The following GPSM1 variants were observed in gnomAD, a reference collection of about 807,000 sequenced individuals.
GPSM1 encodes the protein G protein signaling modulator 1.
Under a neutral mutation model 70.5 loss-of-function variants are expected in GPSM1, and 48 were observed. The observed-to-expected ratio is 0.68, with a 90% CI of 0.54 to 0.87. GPSM1 has a LOEUF of 0.87. Among genes scored for constraint, GPSM1 ranks in the 40% least tolerant of loss-of-function variants. GPSM1 has a pLI of 0.00. For missense variants in GPSM1, 981 were observed against 972.6 expected, an observed-to-expected ratio of 1.01 and a Z score of -0.11; for synonymous variants, 416 against 430.1, an observed-to-expected ratio of 0.97 and a Z score of 0.41.
Position 136,341,418 on chromosome 9 carries a change from G to A in GPSM1, c.1207+425G>A, listed in dbSNP as rs1345291309. On this transcript the variant is annotated intron_variant, in intron 9 of 13. Transcript: ENST00000440944. The surrounding 1 kb of genome is among the most constrained non-coding windows in gnomAD (Gnocchi z 6.7). ...GGCTGTGGGAGCCCTATGTGCCTGG[G>A]GCAGTAATCAGGCAAGGCCCAAGGC... is the stretch of plus-strand genomic sequence containing the variant. The A allele has an allele frequency of 7.1e-7, 1 of 1,416,272 alleles. No individual in the cohort carries two copies. Among genetic ancestry groups the A allele is most frequent in the South Asian group, 1.5e-5 (1 of 65,700 alleles). The allele number at this position is 1,416,272 out of a possible 1,614,324, so 87.7% of individuals were successfully genotyped here.
intron 11 of GPSM1, among the ~76,000 whole-genome samples, chr9:136,350,614 A>G (rs919078564): frequency 1.3e-5 from 2 of 152,052 alleles, no homozygotes; most frequent in Non-Finnish European, 2.9e-5. Context: ...TGGTGAGGGG[A>G]CAGCAAGGGG....
rs1008000985 is a variant in GPSM1, at chr9:136,356,618, G to A, written c.1821+68G>A. The stretch of plus-strand genomic sequence containing the variant: ...CCATCCACGTGTGTGGAGGCAACTT[G>A]TGTCCTGAGGGGTGAGGTGGGCGCT... On this transcript the variant is annotated intron_variant, in intron 13 of 13. Transcript: ENST00000440944. The A allele has an allele frequency of 3.1e-4, 364 of 1,189,282 alleles. 1 individual carries two copies. Among genetic ancestry groups the A allele is most frequent in the Middle Eastern group, 2.3e-4 (1 of 4,338 alleles). 73.7% of individuals were successfully genotyped at this position (1,189,282 alleles called of 1,614,324 possible).
chr9:136,355,660 T>A, intron 11 of GPSM1, 30 bp from the exon 12 acceptor site: 5 of 1,605,642 alleles, frequency 3.1e-6, no homozygotes, highest in Non-Finnish European at 4.3e-6. Context: ...GGGGCTAGCT[T>A]TGGCTGCGGT....
At chr9:136,336,618 G>A in intron 3 of GPSM1, among the ~76,000 whole-genome samples, 1 of 152,216 alleles carries the variant, frequency 6.6e-6, no homozygotes, top group Admixed American at 6.5e-5. Context: ...GGGGGCTTGA[G>A]GCCGCAGCAT....
intron 2 of GPSM1, among the ~76,000 whole-genome samples, chr9:136,335,571 C>T (rs1280904322): frequency 3.9e-5 from 6 of 152,198 alleles, no homozygotes; most frequent in African/African-American, 1.4e-4. Flanking sequence ...ATGCACCAAA[C>T]GTCCTCTGAA....
rs140085951 is a variant in GPSM1 at position 136,334,487 on chromosome 9, C to G, written c.109C>G (p.Arg37Gly). 2 of 1,612,836 alleles carry G rather than the reference C, an allele frequency of 1.2e-6. No homozygotes were observed. Among genetic ancestry groups the G allele is most frequent in the African/African-American group, 2.7e-5 (2 of 74,934 alleles). The change falls in exon 2 of 14, where the codon CGT becomes GGT. Residue 37 changes from arginine to glycine, a missense_variant. Coordinates refer to ENST00000440944, the MANE Select transcript of GPSM1 (RefSeq NM_001145638.3). ...CCTAGAGCTGGCGCTGGAGGGCGAG[C>G]GTCTGTGCAAGGCGGGCGACTTCAA... is the stretch of plus-strand genomic sequence containing the variant. ...SCLELALEGERLCKAGDFKTG... is the reference protein window; with the variant it reads ...SCLELALEGEGLCKAGDFKTG...
rs1554769345 is a variant in GPSM1 at position 136,336,979 on chromosome 9, A to G, written c.485A>G (p.Gln162Arg). Residue 162 changes from glutamine (Q) to arginine (R), a missense_variant, in exon 4 of 14, where the codon CAA becomes CGA. By Grantham distance (43) the Gln-to-Arg change is conservative. Coordinates refer to ENST00000440944, the MANE Select transcript of GPSM1 (RefSeq NM_001145638.3). ...IGNVYHAKGK[Q>R]LSWNAANATQ... ...AACGTGTACCACGCCAAAGGCAAGCAACTGTCCTGGAACGCCGCAAACGCC... is the reference window on the plus strand; with the variant it reads ...AACGTGTACCACGCCAAAGGCAAGCGACTGTCCTGGAACGCCGCAAACGCC... The G allele has an allele frequency of 1.3e-6, 2 of 1,556,256 alleles. No individual in the cohort carries two copies. The highest frequency in any genetic ancestry group is 1.4e-5 in the African/African-American group (1 of 73,350).
At chr9:136,354,930 G>A in intron 11 of GPSM1, 2 of 1,028,470 alleles carry the variant, frequency 1.9e-6, no homozygotes, top group Non-Finnish European at 2.3e-6. Flanking sequence ...CAAGGCTGGG[G>A]AGGCTGGCCC....
In GPSM1 at chr9:136,342,676, T is replaced by C. The variant is rs961041949; in HGVS notation, c.1207+1683T>C. 2.6e-5 allele frequency among the ~76,000 whole-genome samples: 4 copies of C among 151,872 alleles called. No homozygotes were observed. The highest frequency in any genetic ancestry group is 5.9e-5 in the Non-Finnish European group (4 of 67,924). ...TGAGGCCGGGAGTCTGGACCCGGCG[T>C]TGCGGGTTGGGGGCGCCACGGAAGG... is the stretch of plus-strand genomic sequence containing the variant. On this transcript the variant is annotated intron_variant, in intron 9 of 13. Coordinates refer to ENST00000440944, the MANE Select transcript of GPSM1 (RefSeq NM_001145638.3). The surrounding 1 kb of genome is among the most constrained non-coding windows in gnomAD (Gnocchi z 5.5).
In GPSM1 at chr9:136,341,771, T is replaced by A; in HGVS notation, c.1207+778T>A. 1 of 985,540 alleles carries A rather than the reference T, an allele frequency of 1.0e-6. No homozygotes were observed. Among genetic ancestry groups the A allele is most frequent in the East Asian group, 1.1e-4 (1 of 8,726 alleles). 61.0% of individuals were successfully genotyped at this position (985,540 alleles called of 1,614,324 possible). On this transcript the variant is annotated intron_variant, in intron 9 of 13. Coordinates refer to ENST00000440944, the MANE Select transcript of GPSM1 (RefSeq NM_001145638.3). This position sits in a 1 kb window ranked among gnomAD's most constrained non-coding sequence, Gnocchi z 6.7. ...CCAGGCTGGGAACACCAGGCTTGGA[T>A]GTGGTGCTGGGCTGCCGGAGTTTCT...
chr9:136,356,282 C>T, intron 12 of GPSM1, 60 bp from the exon 13 acceptor site: 4 of 1,297,448 alleles, frequency 3.1e-6, no homozygotes, highest in Non-Finnish European at 4.1e-6. Context: ...GTGGCCGCAG[C>T]CCGAGCCTCG....
intron 1 of GPSM1, among the ~76,000 whole-genome samples, 195 bp downstream of exon 1, chr9:136,327,958 C>T (rs1832015593): frequency 6.6e-6 from 1 of 151,938 alleles, no homozygotes; most frequent in Non-Finnish European, 1.5e-5. Flanking sequence ...CCCTCTTTCC[C>T]CCAAGCCAAG....
In GPSM1 at chr9:136,352,170, TGCTGCGCCGTTGCTGTTGGTG is replaced by T. The variant is rs1554772246; in HGVS notation, c.1455+2408_1455+2428del. Among the ~76,000 whole-genome samples the T allele has an allele frequency of 4.9e-4, 62 of 125,738 alleles. 24 individuals are homozygous for T. Among genetic ancestry groups the T allele is most frequent in the African/African-American group, 1.6e-3 (52 of 32,900 alleles). The allele number at this position is 125,738 out of a possible 152,430, so 82.5% of individuals were successfully genotyped here. ...GCGCCGTTGCTGTTGGTGACACCAA[TGCTGCGCCGTTGCTGTTGGTG>T]ACACCGATGCTGCGCCGTTGCTGTT... On this transcript the variant is annotated intron_variant, in intron 11 of 13. Transcript: ENST00000440944.
chr9:136,339,605 C>A, intron 7 of GPSM1, 102 bp from the exon 8 acceptor site: 1 of 801,402 alleles, frequency 1.2e-6, no homozygotes. Context: ...TGATGACCCT[C>A]GAAGCCAGGG....
At chr9:136,345,414 C>G (rs28721414) in intron 9 of GPSM1, among the ~76,000 whole-genome samples, 54,768 of 152,204 alleles carry the variant, frequency 0.36, 10,224 homozygotes, top group Non-Finnish European at 0.41. Context: ...TCAGCCGACT[C>G]TGCAGACAGA....
At chr9:136,337,668 C>G (rs1360388337) in intron 5 of GPSM1, 104 bp downstream of exon 5, 1 of 1,178,746 alleles carries the variant, frequency 8.5e-7, no homozygotes, top group African/African-American at 1.5e-5. Flanking sequence ...TATGGCCAGG[C>G]AGCAGGCCCG....
At chr9:136,356,578 C>A in intron 13 of GPSM1, 28 bp downstream of exon 13, 1 of 1,544,498 alleles carries the variant, frequency 6.5e-7, no homozygotes, top group Non-Finnish European at 8.9e-7. Flanking sequence ...GCGGGCGTGG[C>A]TCGCGGCCCC....
chr9:136,335,448 G>A (rs1359555008), intron 2 of GPSM1, among the ~76,000 whole-genome samples: 3 of 152,116 alleles, frequency 2.0e-5, no homozygotes, highest in Non-Finnish European at 4.4e-5. Context: ...CTCCCCCTCA[G>A]CCCTGCAGCT....
chr9:136,334,593 T>C lies in GPSM1; in HGVS notation c.215T>C (p.Leu72Pro). Reference sequence around the variant, plus strand: ...ACACTGAGTGCCATCTACAGCCAGCTGGGCAACGCCTACTTCTACCTGAAG... The same window carrying C: ...ACACTGAGTGCCATCTACAGCCAGCCGGGCAACGCCTACTTCTACCTGAAG... The part of the protein sequence containing the change: ...LKTLSAIYSQ[L>P]GNAYFYLKEH... The change falls in exon 2 of 14, where the codon CTG becomes CCG. Residue 72 changes from leucine to proline, a missense_variant. Transcript: ENST00000440944. 1 of 1,613,374 alleles carries C rather than the reference T, an allele frequency of 6.2e-7. No homozygotes were observed. Among genetic ancestry groups the C allele is most frequent in the Non-Finnish European group, 8.5e-7 (1 of 1,180,000 alleles).
Sources: gnomAD v4.1 joint callset for allele counts (sites outside exome capture counted in the v4.1 genomes callset) on GRCh38, gnomAD v4.1.1 for gene constraint, Gnocchi (gnomAD v3.1) non-coding constraint, MANE v1.5 for transcripts, NCBI Gene and HGNC (gene_info 2026-07-23, HGNC 2026-07-21) for gene names.